Variants in INTU observed in about 807,000 individuals in gnomAD.
INTU encodes protein inturned.
INTU carries 68 observed loss-of-function variants against 100.5 expected under a neutral mutation model. That is an observed-to-expected ratio of 0.68 (90% CI 0.56 to 0.83). The LOEUF is 0.83. INTU is among the 40% of genes least tolerant of loss of function. The pLI, the probability that INTU is intolerant of heterozygous loss-of-function variation, is 0.00. For synonymous variants in INTU, 357 were observed against 395.7 expected, an observed-to-expected ratio of 0.90 and a Z score of 1.16; for missense variants, 1,071 against 1,114.7, an observed-to-expected ratio of 0.96 and a Z score of 0.56.
chr4:127,685,344 T>C (rs1367642227), intron 7 of INTU: 1 of 404,512 alleles, frequency 2.5e-6, no homozygotes, highest in African/African-American at 2.1e-5. Context: ...AGTATATCAG[T>C]ACAAAAATCC....
chr4:127,701,522 G>A (rs1730648367), intron 9 of INTU, among the ~76,000 whole-genome samples: 2 of 152,080 alleles, frequency 1.3e-5, no homozygotes, highest in South Asian at 4.1e-4. Context: ...TTTATATTGT[G>A]ATAATGGTAT....
intron 4 of INTU, among the ~76,000 whole-genome samples, chr4:127,665,582 T>C (rs975819419): frequency 2.0e-5 from 3 of 152,174 alleles, no homozygotes; most frequent in African/African-American, 7.2e-5. Context: ...ACAATCCTAA[T>C]GTCTCAGTGG....
intron 2 of INTU, among the ~76,000 whole-genome samples, chr4:127,647,725 G>C (rs1259329676): frequency 6.6e-6 from 1 of 151,800 alleles, no homozygotes; most frequent in African/African-American, 2.4e-5. Context: ...GTTCATTGTA[G>C]ACAATTTAGA....
intron 2 of INTU, among the ~76,000 whole-genome samples, chr4:127,646,092 G>A (rs1236697596): frequency 1.3e-5 from 2 of 151,008 alleles, no homozygotes; most frequent in African/African-American, 4.9e-5. Flanking sequence ...GCTGGGGCAC[G>A]AGAATCACTT....
intron 3 of INTU, among the ~76,000 whole-genome samples, chr4:127,661,425 G>A (rs904079433): frequency 7.9e-5 from 12 of 152,030 alleles, no homozygotes; most frequent in African/African-American, 2.7e-4. Context: ...TGGGAAAGAT[G>A]CCTTCCTTGT....
At chr4:127,708,103 T>C (rs1406229584) in intron 12 of INTU, among the ~76,000 whole-genome samples, 1 of 152,158 alleles carries the variant, frequency 6.6e-6, no homozygotes, top group Non-Finnish European at 1.5e-5. Context: ...TGGTAGGAAA[T>C]AGTCTAAAAA....
rs1290101307 is a variant in INTU, at chr4:127,724,998, G to A, written c.*8562G>A. ...GGTTCTTGAAATGCTACAGAAAATA[G>A]CTTGAGGCCAGGCACAGTTGCTCAC... On this transcript the variant is annotated 3_prime_UTR_variant, in exon 16 of 16. Transcript: ENST00000335251. The A allele has an allele frequency of 2.6e-5, 4 of 151,910 alleles. No homozygotes were observed. The highest frequency in any genetic ancestry group is 9.7e-5 in the African/African-American group (4 of 41,330). The allele number at this position is 151,910 out of a possible 1,614,324, so 9.4% of individuals were successfully genotyped here. A position where few individuals can be genotyped will look rare whatever the true frequency, so the allele number is the denominator to read the frequency against.
Position 127,724,819 on chromosome 4 carries a change from T to A in INTU, c.*8383T>A, listed in dbSNP as rs576269820. The A allele has an allele frequency of 1.3e-5, 2 of 152,146 alleles. No individual in the cohort carries two copies. Among genetic ancestry groups the A allele is most frequent in the Non-Finnish European group, 2.9e-5 (2 of 68,032 alleles). The allele number at this position is 152,146 out of a possible 1,614,324, so 9.4% of individuals were successfully genotyped here. A position where few individuals can be genotyped will look rare whatever the true frequency, so the allele number is the denominator to read the frequency against. ...AACTGCAAAACACTGGGTGTACCAT[T>A]TGAGTCATTTGGTCTTAAAAGAAAC... On this transcript the variant is annotated 3_prime_UTR_variant, in exon 16 of 16. Coordinates refer to ENST00000335251, the MANE Select transcript of INTU (RefSeq NM_015693.4).
chr4:127,674,959 G>GGTCT (rs1197696033), intron 6 of INTU, among the ~76,000 whole-genome samples: 3 of 152,090 alleles, frequency 2.0e-5, no homozygotes, highest in African/African-American at 7.2e-5. Context: ...ATTGAATGTG[G>GGTCT]GTCTGTCTGA....
chr4:127,651,357 A>C (rs1393778502), intron 2 of INTU, among the ~76,000 whole-genome samples: 1 of 152,228 alleles, frequency 6.6e-6, no homozygotes, highest in Non-Finnish European at 1.5e-5. Flanking sequence ...TTTAGGTCTA[A>C]GGTTTAAGGC....
intron 6 of INTU, among the ~76,000 whole-genome samples, chr4:127,678,181 A>T (rs375866130): frequency 1.3e-5 from 2 of 152,128 alleles, no homozygotes; most frequent in African/African-American, 4.8e-5. Flanking sequence ...CACTCTGCAG[A>T]ATATTATCCA....
intron 2 of INTU, among the ~76,000 whole-genome samples, chr4:127,645,668 C>T (rs997577677): frequency 1.3e-4 from 20 of 152,088 alleles, no homozygotes; most frequent in African/African-American, 4.8e-4. Context: ...TCAAGCGATT[C>T]TTCTGCCTCA....
intron 2 of INTU, among the ~76,000 whole-genome samples, chr4:127,651,201 G>A (rs901473279): frequency 1.3e-5 from 2 of 151,954 alleles, no homozygotes; most frequent in African/African-American, 2.4e-5. Context: ...TTCTTTTGCT[G>A]TGCAGAAGCT....
chr4:127,681,785 G>A (rs946799490), intron 6 of INTU, among the ~76,000 whole-genome samples: 11 of 152,188 alleles, frequency 7.2e-5, no homozygotes, highest in African/African-American at 2.4e-4. Flanking sequence ...CTTCTACACA[G>A]CAAAAGAAAC....
Position 127,713,998 on chromosome 4 carries a change from C to A in INTU, c.2622C>A (p.Asn874Lys), listed in dbSNP as rs1458207780. The A allele has an allele frequency of 6.2e-7, 1 of 1,612,980 alleles. No homozygotes were observed. Among genetic ancestry groups the A allele is most frequent in the Non-Finnish European group, 8.5e-7 (1 of 1,179,226 alleles). The change falls in exon 15 of 16, where the codon AAC becomes AAA. Residue 874 changes from asparagine (N) to lysine (K), a missense_variant. Asn to Lys is a moderately conservative substitution (Grantham distance 94). Coordinates refer to ENST00000335251, the MANE Select transcript of INTU (RefSeq NM_015693.4). ...CTGCAAAGTCAGTGTCTTCTCTTAA[C>A]CCTGTTAAAGAACATGGTGTGTTGT... The part of the protein sequence containing the change: ...SDSAKSVSSL[N>K]PVKEHGVLFE...
chr4:127,708,372 C>T (rs950393451), intron 12 of INTU, among the ~76,000 whole-genome samples, 199 bp from the exon 13 acceptor site: 2 of 152,132 alleles, frequency 1.3e-5, no homozygotes, highest in African/African-American at 2.4e-5. Flanking sequence ...GGAACACCAT[C>T]ATGCCCTCCC....
At chr4:127,639,989 A>T (rs1727239713) in intron 1 of INTU, among the ~76,000 whole-genome samples, 1 of 152,170 alleles carries the variant, frequency 6.6e-6, no homozygotes, top group East Asian at 1.9e-4. Flanking sequence ...TAGGGTCCTT[A>T]AAGGCAGTGC....
intron 8 of INTU, among the ~76,000 whole-genome samples, chr4:127,696,513 C>G (rs75827236): frequency 0.037 from 5,615 of 151,828 alleles, 324 homozygotes; most frequent in African/African-American, 0.13. Flanking sequence ...GTCCATGGAC[C>G]CTGTACTAAT....
Position 127,655,961 on chromosome 4 carries a change from A to T in INTU, c.683-675A>T, listed in dbSNP as rs986666668. On this transcript the variant is annotated intron_variant, in intron 2 of 15. Transcript: ENST00000335251. ...TTTAAACCGGTCCGAAAAGCGCAATATTCGGGTGGGAGTGACCCGATTTTC... is the reference window on the plus strand; with the variant it reads ...TTTAAACCGGTCCGAAAAGCGCAATTTTCGGGTGGGAGTGACCCGATTTTC... 7.2e-5 allele frequency among the ~76,000 whole-genome samples: 11 copies of T among 152,238 alleles called. No individual in the cohort carries two copies. In the East Asian group the frequency reaches 2.1e-3, roughly 29 times the overall value.
Sources: gnomAD v4.1 joint callset for allele counts (sites outside exome capture counted in the v4.1 genomes callset) on GRCh38, gnomAD v4.1.1 for gene constraint, MANE v1.5 for transcripts, NCBI Gene and HGNC (gene_info 2026-07-23, HGNC 2026-07-21) for gene names.